GNA12: variants seen among roughly 807,000 people sequenced by gnomAD.
GNA12 encodes guanine nucleotide-binding protein subunit alpha-12.
Under a neutral mutation model 26.0 loss-of-function variants are expected in GNA12, and 9 were observed. The observed-to-expected ratio is 0.35, with a 90% CI of 0.21 to 0.60. The LOEUF is 0.60. Among genes scored for constraint, GNA12 ranks in the 20% least tolerant of loss-of-function variants. The probability of loss-of-function intolerance (pLI) is 0.78; values close to 1 mark genes in which losing one functional copy is unlikely to be tolerated. For synonymous variants in GNA12, 264 were observed against 219.6 expected (o/e 1.20, Z -1.79); for missense variants, 405 against 525.8 (o/e 0.77, Z 2.25).
chr7:2,749,289 A>C (rs1313315356), intron 2 of GNA12, among the ~76,000 whole-genome samples: 2 of 152,230 alleles, frequency 1.3e-5, no homozygotes, highest in African/African-American at 4.8e-5. Context: ...AGACTGGATT[A>C]AGAAAATGTG....
rs113873177 is a variant in GNA12 at position 2,808,189 on chromosome 7, C to T, written c.310-13046G>A. On this transcript the variant is annotated intron_variant, in intron 1 of 3. Coordinates refer to ENST00000275364, the MANE Select transcript of GNA12 (RefSeq NM_007353.3). ...AATATCTCTTTCGGGAATCTGTGAA[C>T]ATGTTTCCTTCTCACGCATACCCAA... 6.7e-3 allele frequency among the ~76,000 whole-genome samples: 1,024 copies of T among 152,366 alleles called. 12 individuals are homozygous for T. The highest frequency in any genetic ancestry group is 0.023 in the African/African-American group (967 of 41,586).
chr7:2,798,847 T>C (rs771544649), intron 1 of GNA12, among the ~76,000 whole-genome samples: 1 of 151,552 alleles, frequency 6.6e-6, no homozygotes, highest in East Asian at 1.9e-4. Flanking sequence ...TAGCCCCTGA[T>C]ACAGCTAGGT....
rs948983496 is a variant in GNA12 at position 2,763,799 on chromosome 7, C to G, written c.526-30298G>C. 2.0e-5 allele frequency among the ~76,000 whole-genome samples: 3 copies of G among 152,198 alleles called. No individual in the cohort carries two copies. In the East Asian group the frequency reaches 5.8e-4, roughly 29 times the overall value. On this transcript the variant is annotated intron_variant, in intron 2 of 3. Coordinates refer to ENST00000275364, the MANE Select transcript of GNA12 (RefSeq NM_007353.3). ...CTGTCGCCTGGAACAAGAAAGCTCC[C>G]TGGGCAGGCGAGGCCGGGACCTCTG...
At chr7:2,741,830 C>T (rs951959653) in intron 2 of GNA12, among the ~76,000 whole-genome samples, 4 of 150,586 alleles carry the variant, frequency 2.7e-5, no homozygotes, top group Admixed American at 6.7e-5. Flanking sequence ...AGGAGAACGC[C>T]GCAAGGATAA....
intron 1 of GNA12, among the ~76,000 whole-genome samples, chr7:2,839,562 T>G (rs1778930948): frequency 6.6e-6 from 1 of 152,172 alleles, no homozygotes; most frequent in South Asian, 2.1e-4. Context: ...TTTTGTATTT[T>G]TTGTAGAGAT....
At chr7:2,740,485 C>T (rs1790445200) in intron 2 of GNA12, among the ~76,000 whole-genome samples, 1 of 152,270 alleles carries the variant, frequency 6.6e-6, no homozygotes, top group Non-Finnish European at 1.5e-5. Flanking sequence ...GGTGCTGCCA[C>T]CCAGATCCTC....
At chr7:2,822,193 G>A (rs1306961844) in intron 1 of GNA12, among the ~76,000 whole-genome samples, 1 of 152,176 alleles carries the variant, frequency 6.6e-6, no homozygotes, top group Admixed American at 6.5e-5. Context: ...TCTGTGGGAA[G>A]CTATGCCTCC....
chr7:2,769,879 A>T (rs906491703), intron 2 of GNA12, among the ~76,000 whole-genome samples: 9 of 152,176 alleles, frequency 5.9e-5, no homozygotes, highest in Admixed American at 3.3e-4. Context: ...TATCAATTGA[A>T]TTTTTTTCTG....
intron 2 of GNA12, among the ~76,000 whole-genome samples, chr7:2,791,355 C>CA: frequency 6.6e-6 from 1 of 152,344 alleles, no homozygotes; most frequent in East Asian, 1.9e-4. Context: ...GGCAAGGGGC[C>CA]AGTGGGGAAG....
chr7:2,749,275 T>C (rs1224757812), intron 2 of GNA12, among the ~76,000 whole-genome samples: 1 of 152,090 alleles, frequency 6.6e-6, no homozygotes, highest in Non-Finnish European at 1.5e-5. Flanking sequence ...TGTCCAACAA[T>C]GATAGACTGG....
In GNA12 at chr7:2,843,963, C is replaced by A. The variant is rs1444967207; in HGVS notation, c.199G>T (p.Glu67Ter). 6.3e-7 allele frequency: 1 copy of A among 1,589,518 alleles called. No individual in the cohort carries two copies. Among genetic ancestry groups the A allele is most frequent in the Non-Finnish European group, 8.5e-7 (1 of 1,169,996 alleles). The change falls in exon 1 of 4, where the codon GAG becomes TAG. Residue 67 changes from glutamate to a stop codon, truncating the protein, a stop_gained. Coordinates refer to ENST00000275364, the MANE Select transcript of GNA12 (RefSeq NM_007353.3). LOFTEE classifies it high-confidence loss of function. ...LVKILLLGAG[E>*]SGKSTFLKQM... ...TTGAGGAACGTGGACTTGCCGCTCT[C>A]GCCCGCGCCCAGCAGCAGGATCTTC...
intron 2 of GNA12, among the ~76,000 whole-genome samples, chr7:2,793,936 A>C (rs985769932): frequency 1.3e-5 from 2 of 152,120 alleles, no homozygotes; most frequent in African/African-American, 4.8e-5. Flanking sequence ...AAATATGAAA[A>C]ACAGTTCAAA....
chr7:2,758,977 T>C (rs1791428841), intron 2 of GNA12, among the ~76,000 whole-genome samples: 1 of 151,694 alleles, frequency 6.6e-6, no homozygotes, highest in South Asian at 2.1e-4. Flanking sequence ...CCGTCTCTAC[T>C]AAAAATACAA....
At chr7:2,748,270 C>T (rs1290838108) in intron 2 of GNA12, among the ~76,000 whole-genome samples, 6 of 152,058 alleles carry the variant, frequency 3.9e-5, no homozygotes, top group Admixed American at 2.6e-4. Context: ...TACTACAAGG[C>T]TACAGTAACC....
intron 2 of GNA12, among the ~76,000 whole-genome samples, chr7:2,787,113 C>T (rs150457553): frequency 6.6e-6 from 1 of 152,158 alleles, no homozygotes; most frequent in Non-Finnish European, 1.5e-5. Flanking sequence ...AACACAACAA[C>T]CCTGGGGCTC....
intron 2 of GNA12, among the ~76,000 whole-genome samples, chr7:2,753,592 A>G (rs923030806): frequency 2.0e-5 from 3 of 152,174 alleles, no homozygotes; most frequent in Admixed American, 6.5e-5. Flanking sequence ...TTACCAATCT[A>G]GAGACATTTT....
chr7:2,764,054 CTGAT>C (rs940935514), intron 2 of GNA12, among the ~76,000 whole-genome samples: 10 of 152,042 alleles, frequency 6.6e-5, no homozygotes, highest in Admixed American at 5.2e-4. Flanking sequence ...CTGGTGTCCT[CTGAT>C]TGGTTGAGTA....
intron 2 of GNA12, among the ~76,000 whole-genome samples, chr7:2,761,181 C>A (rs1791536803): frequency 6.6e-6 from 1 of 152,220 alleles, no homozygotes; most frequent in Admixed American, 6.5e-5. Flanking sequence ...AGCCACCGTG[C>A]ACGGCACTGC....
rs1789709792 is a variant in GNA12 at position 2,728,248 on chromosome 7, T to C, written c.*2933A>G. On this transcript the variant is annotated 3_prime_UTR_variant, in exon 4 of 4. Transcript: ENST00000275364. ...GAACAACTGACCCGGACCACTACCATTCCAATGGGAGCCTCTGCCTTACAA... is the reference window on the plus strand; with the variant it reads ...GAACAACTGACCCGGACCACTACCACTCCAATGGGAGCCTCTGCCTTACAA... The C allele has an allele frequency of 6.6e-6, 1 of 152,318 alleles. No homozygotes were observed. Among genetic ancestry groups the C allele is most frequent in the Admixed American group, 6.5e-5 (1 of 15,276 alleles). 9.4% of individuals were successfully genotyped at this position (152,318 alleles called of 1,614,324 possible).
Sources: gnomAD v4.1 joint callset for allele counts (sites outside exome capture counted in the v4.1 genomes callset) on GRCh38, gnomAD v4.1.1 for gene constraint, MANE v1.5 for transcripts, NCBI Gene and HGNC (gene_info 2026-07-23, HGNC 2026-07-21) for gene names.